Variants in IKZF2 observed in about 807,000 individuals in gnomAD.
The protein encoded by IKZF2 is IKAROS family zinc finger 2.
A neutral mutation model predicts 49.2 loss-of-function variants in IKZF2; 15 were observed. That is an observed-to-expected ratio of 0.30 (90% CI 0.20 to 0.47). The LOEUF (loss-of-function observed/expected upper bound fraction) is 0.47. Among genes scored for constraint, IKZF2 ranks in the 20% least tolerant of loss-of-function variants. IKZF2 has a pLI of 1.00. For missense variants in IKZF2, 567 were observed against 664.6 expected (o/e 0.85, Z 1.61); for synonymous variants, 227 against 221.4 (o/e 1.03, Z -0.23).
At chr2:213,009,179 G>A (rs1695669083) in intron 8 of IKZF2, among the ~76,000 whole-genome samples, 1 of 152,040 alleles carries the variant, frequency 6.6e-6, no homozygotes, top group African/African-American at 2.4e-5. Flanking sequence ...CATGTTTGCA[G>A]TTTTTCCTTA....
At chr2:213,096,396 C>T (rs1706001646) in intron 4 of IKZF2, among the ~76,000 whole-genome samples, 1 of 151,800 alleles carries the variant, frequency 6.6e-6, no homozygotes, top group Non-Finnish European at 1.5e-5. Flanking sequence ...CCTAAACCTA[C>T]CCCTATTTTT....
chr2:213,136,503 A>ATCTT (rs2060683364), intron 4 of IKZF2, among the ~76,000 whole-genome samples: 1 of 152,042 alleles, frequency 6.6e-6, no homozygotes, highest in Non-Finnish European at 1.5e-5. Flanking sequence ...TATCATTTGT[A>ATCTT]CATGAAAATG....
At chr2:213,079,356 G>A (rs1276463283) in intron 4 of IKZF2, among the ~76,000 whole-genome samples, 1 of 150,790 alleles carries the variant, frequency 6.6e-6, no homozygotes. Context: ...TGAAGCCTAG[G>A]TGACACAATA....
chr2:213,085,168 T>G (rs573239433), intron 4 of IKZF2, among the ~76,000 whole-genome samples: 20 of 152,348 alleles, frequency 1.3e-4, no homozygotes, highest in Admixed American at 3.3e-4. Flanking sequence ...TAGAAACACT[T>G]AGAAACAGAT....
chr2:213,078,500 G>C (rs756578538), intron 4 of IKZF2, among the ~76,000 whole-genome samples: 1 of 152,174 alleles, frequency 6.6e-6, no homozygotes, highest in South Asian at 2.1e-4. Context: ...AGAATATGAA[G>C]TAGGTGCTAT....
At chr2:213,151,076 C>T (rs1260063349) in intron 1 of IKZF2, among the ~76,000 whole-genome samples, 1 of 151,968 alleles carries the variant, frequency 6.6e-6, no homozygotes, top group East Asian at 1.9e-4. Flanking sequence ...CGATTAACAT[C>T]CCAGAAACAG....
At chr2:213,112,128 T>A (rs1303322702) in intron 4 of IKZF2, among the ~76,000 whole-genome samples, 1 of 152,190 alleles carries the variant, frequency 6.6e-6, no homozygotes, top group South Asian at 2.1e-4. Flanking sequence ...TTTCATTGGT[T>A]AAGAACTGTG....
intron 7 of IKZF2, among the ~76,000 whole-genome samples, chr2:213,020,553 A>T (rs1697099143): frequency 1.3e-5 from 2 of 152,260 alleles, no homozygotes; most frequent in South Asian, 4.1e-4. Flanking sequence ...CAAATTTACC[A>T]AGACTTGATA....
upstream of IKZF2, among the ~76,000 whole-genome samples, chr2:213,151,797 C>CGCGCGCGTGCGTGT (rs1327368670): frequency 6.8e-6 from 1 of 147,448 alleles, no homozygotes; most frequent in South Asian, 2.1e-4. Flanking sequence ...GACGTGCGTG[C>CGCGCGCGTGCGTGT]GCGCGCGTGC....
intron 4 of IKZF2, among the ~76,000 whole-genome samples, chr2:213,146,758 T>TA (rs2061076685): frequency 1.0e-4 from 1 of 9,776 alleles, no homozygotes; most frequent in Non-Finnish European, 2.4e-4. Context: ...TATTAAATCT[T>TA]CGGGGGGGGG....
chr2:213,146,568 G>A (rs2125983477), intron 4 of IKZF2, among the ~76,000 whole-genome samples: 1 of 151,800 alleles, frequency 6.6e-6, no homozygotes, highest in East Asian at 1.9e-4. Flanking sequence ...GTATTCAATG[G>A]TATTCTATAT....
At chr2:213,032,886 G>A (rs915965659) in intron 6 of IKZF2, among the ~76,000 whole-genome samples, 15 of 152,326 alleles carry the variant, frequency 9.8e-5, no homozygotes, top group South Asian at 2.1e-4. Flanking sequence ...AGGCAACAAT[G>A]AAGTTTGCCA....
At chr2:213,120,887 C>T (rs1264501942) in intron 4 of IKZF2, among the ~76,000 whole-genome samples, 5 of 152,094 alleles carry the variant, frequency 3.3e-5, no homozygotes, top group South Asian at 2.1e-4. Flanking sequence ...ACTACGGGTA[C>T]GTGCCACAAC....
intron 6 of IKZF2, among the ~76,000 whole-genome samples, chr2:213,032,419 T>A (rs1192478853): frequency 6.6e-6 from 1 of 152,154 alleles, no homozygotes; most frequent in African/African-American, 2.4e-5. Context: ...ACCTTAATTT[T>A]AAAAATACTT....
At chr2:213,081,568 G>A (rs1703956463) in intron 4 of IKZF2, among the ~76,000 whole-genome samples, 1 of 152,142 alleles carries the variant, frequency 6.6e-6, no homozygotes, top group African/African-American at 2.4e-5. Flanking sequence ...GGTAGGCTGG[G>A]GAAGGTTTCT....
chr2:213,116,519 G>A (rs1214125296), intron 4 of IKZF2, among the ~76,000 whole-genome samples: 1 of 152,182 alleles, frequency 6.6e-6, no homozygotes, highest in East Asian at 1.9e-4. Flanking sequence ...TGGATTGCTT[G>A]AGTCCAGGAG....
intron 4 of IKZF2, among the ~76,000 whole-genome samples, chr2:213,103,459 G>A (rs1015623635): frequency 2.6e-5 from 4 of 152,278 alleles, no homozygotes; most frequent in East Asian, 3.9e-4. Context: ...CTTAATAAAA[G>A]TTTAGTGGGC....
intron 4 of IKZF2, among the ~76,000 whole-genome samples, chr2:213,073,431 G>T (rs1374453581): frequency 1.3e-5 from 2 of 152,026 alleles, no homozygotes; most frequent in African/African-American, 4.8e-5. Context: ...AGAAAACACT[G>T]CCAGGAAAAT....
In IKZF2 at chr2:213,007,706, C is replaced by A. The variant is rs1285119553; in HGVS notation, c.1235G>T (p.Ser412Ile). The stretch of plus-strand genomic sequence containing the variant: ...GTAGGACTGGTGGTCATCATGGCTG[C>A]TTTCTGAGTCAGTGGAATCCAGGCA... ...NSCLDSTDSE[S>I]SHDDHQSYQG... The change falls in exon 9 of 9, where the codon AGC becomes ATC. Residue 412 changes from serine (S) to isoleucine (I), a missense_variant. By Grantham distance (142) the Ser-to-Ile change is moderately radical (BLOSUM62 -2). Transcript: ENST00000434687. 1 of 1,613,692 alleles carries A rather than the reference C, an allele frequency of 6.2e-7. No homozygotes were observed. Among genetic ancestry groups the A allele is most frequent in the Non-Finnish European group, 8.5e-7 (1 of 1,179,754 alleles).
Sources: gnomAD v4.1 joint callset for allele counts (sites outside exome capture counted in the v4.1 genomes callset) on GRCh38, gnomAD v4.1.1 for gene constraint, MANE v1.5 for transcripts, NCBI Gene and HGNC (gene_info 2026-07-23, HGNC 2026-07-21) for gene names.